Variants in KLF7 observed in about 807,000 individuals in gnomAD.
The protein encoded by KLF7 is Krueppel-like factor 7.
In KLF7, 2 loss-of-function variants were observed where a neutral mutation model predicts 27.3. That is an observed-to-expected ratio of 0.07 (90% CI 0.03 to 0.23). The LOEUF (loss-of-function observed/expected upper bound fraction) is 0.23, where lower values mean the gene tolerates loss of function less well. KLF7 is among the 10% of genes least tolerant of loss of function. The pLI is 1.00. For missense variants in KLF7, 221 were observed against 394.1 expected (o/e 0.56, Z 3.72); for synonymous variants, 165 against 162.4 (o/e 1.02, Z -0.12).
rs1403808381 is a variant in KLF7, at chr2:207,075,265, TACC to T, written c.*5945_*5947del. On this transcript the variant is annotated 3_prime_UTR_variant, in exon 4 of 4. Coordinates refer to ENST00000309446, the MANE Select transcript of KLF7 (RefSeq NM_003709.4). ...CATTAATAATTTTGTAACATTAACATACCACCATCATATAATACAAATAATAGT... is the reference window on the plus strand; with the variant it reads ...CATTAATAATTTTGTAACATTAACATACCATCATATAATACAAATAATAGT... The T allele has an allele frequency of 6.6e-6, 1 of 151,520 alleles. No homozygotes were observed. Among genetic ancestry groups the T allele is most frequent in the Non-Finnish European group, 1.5e-5 (1 of 67,908 alleles). 9.4% of individuals were successfully genotyped at this position (151,520 alleles called of 1,614,324 possible). A position where few individuals can be genotyped will look rare whatever the true frequency, so the allele number is the denominator to read the frequency against.
rs569909675 is a variant in KLF7, at chr2:207,088,463, G to A, written c.852C>T (p.Cys284=). ...CAACTTCTACTTCTCTTTACCTGTC[G>A]CAGTGGTTGCATTTGAAGGGCTTTG... ...TGAKPFKCNH[C]DRCFSRSDHL... is the part of the protein sequence containing the mutation. The change falls in exon 3 of 4, where the codon TGC becomes TGT. Residue 284 remains cysteine, a synonymous_variant. Transcript: ENST00000309446. 1.3e-5 allele frequency: 21 copies of A among 1,613,326 alleles called. No individual in the cohort carries two copies. Among genetic ancestry groups the A allele is most frequent in the Middle Eastern group, 3.3e-4 (2 of 6,054 alleles).
intron 2 of KLF7, among the ~76,000 whole-genome samples, chr2:207,090,234 C>G (rs2076480491): frequency 6.6e-6 from 1 of 151,994 alleles, no homozygotes; most frequent in South Asian, 2.1e-4. Context: ...TTTTGGAAAC[C>G]AGGAAAAAAA....
chr2:207,107,945 A>G (rs2076924211), intron 2 of KLF7, among the ~76,000 whole-genome samples: 1 of 152,232 alleles, frequency 6.6e-6, no homozygotes, highest in Non-Finnish European at 1.5e-5. Flanking sequence ...GCCTCAATAG[A>G]GCAAAAGCTG....
At chr2:207,116,976 G>T (rs772154006) in intron 2 of KLF7, among the ~76,000 whole-genome samples, 7 of 152,058 alleles carry the variant, frequency 4.6e-5, no homozygotes, top group Non-Finnish European at 7.4e-5. Context: ...GAGGTCCTCG[G>T]CAATAAAGAG....
chr2:207,104,061 C>T (rs938585291), intron 2 of KLF7, among the ~76,000 whole-genome samples: 2 of 152,138 alleles, frequency 1.3e-5, no homozygotes, highest in Admixed American at 6.5e-5. Context: ...CCATCAAAGA[C>T]GTCAAGCCCC....
In KLF7 at chr2:207,077,265, C is replaced by G. The variant is rs1266250764; in HGVS notation, c.*3948G>C. 2 of 152,164 alleles carry G rather than the reference C, an allele frequency of 1.3e-5. No individual in the cohort carries two copies. The highest frequency in any genetic ancestry group is 2.9e-5 in the Non-Finnish European group (2 of 68,036). 9.4% of individuals were successfully genotyped at this position (152,164 alleles called of 1,614,324 possible). A position where few individuals can be genotyped will look rare whatever the true frequency, so the allele number is the denominator to read the frequency against. On this transcript the variant is annotated 3_prime_UTR_variant, in exon 4 of 4. Transcript: ENST00000309446. ...GTTCCGAATGCACTGGAAGAGCCAT[C>G]CAAAAGCCCCATTTCTTTCCCCTTT...
chr2:207,086,590 T>C (rs1456463522), intron 3 of KLF7, among the ~76,000 whole-genome samples: 1 of 152,168 alleles, frequency 6.6e-6, no homozygotes, highest in African/African-American at 2.4e-5. Flanking sequence ...AAATCACCCA[T>C]CTCTGACATC....
chr2:207,134,150 T>A (rs1267121514), intron 1 of KLF7: 2 of 1,429,258 alleles, frequency 1.4e-6, no homozygotes, highest in East Asian at 2.6e-5. Flanking sequence ...CTCGGGCTAC[T>A]GGGATTTTTT....
chr2:207,105,558 C>A (rs1260856276), intron 2 of KLF7, among the ~76,000 whole-genome samples: 11 of 152,188 alleles, frequency 7.2e-5, no homozygotes, highest in Admixed American at 7.2e-4. Flanking sequence ...GAAAGGGACA[C>A]AGAAGCAAAA....
In KLF7 at chr2:207,165,497, A is replaced by G. The variant is rs758538052; in HGVS notation, c.72T>C (p.Ala24=). The G allele has an allele frequency of 6.2e-7, 1 of 1,614,152 alleles. No homozygotes were observed. The highest frequency in any genetic ancestry group is 8.5e-7 in the Non-Finnish European group (1 of 1,180,016). ...QLVHDTGYFS[A]LPSLEETWQQ... is the part of the protein sequence containing the mutation. ...GCCAGGTCTCCTCCAGGGATGGTAA[A>G]GCTGAGAAGTAGCCGGTGTCGTGGA... The change falls in exon 1 of 4, where the codon GCT becomes GCC. Residue 24 remains alanine (A), a synonymous_variant. Transcript: ENST00000309446.
Position 207,078,104 on chromosome 2 carries a change from T to C in KLF7, c.*3109A>G, listed in dbSNP as rs1361838913. On this transcript the variant is annotated 3_prime_UTR_variant, in exon 4 of 4. Transcript: ENST00000309446. ...ACCATCTCTGCCACTGCAGAGGTGA[T>C]GGACGTTTTATTACAAATCCATTTC... 6.6e-6 allele frequency: 1 copy of C among 152,242 alleles called. No homozygotes were observed. The highest frequency in any genetic ancestry group is 1.9e-4 in the East Asian group (1 of 5,200). 9.4% of individuals were successfully genotyped at this position (152,242 alleles called of 1,614,324 possible).
intron 2 of KLF7, among the ~76,000 whole-genome samples, chr2:207,106,693 C>T (rs1428413031): frequency 6.6e-6 from 1 of 152,142 alleles, no homozygotes; most frequent in Non-Finnish European, 1.5e-5. Flanking sequence ...AAGTGCTTTC[C>T]TTCTGAAGAG....
chr2:207,139,552 C>A (rs999651892), intron 1 of KLF7, among the ~76,000 whole-genome samples: 3 of 152,030 alleles, frequency 2.0e-5, no homozygotes, highest in Admixed American at 2.0e-4. Context: ...TTCTAAAAAT[C>A]CAACAAACCA....
At chr2:207,172,971 CATTAAT>C in the KLF7 span, among the ~76,000 whole-genome samples, 2 of 143,650 alleles carry the variant, frequency 1.4e-5, no homozygotes, top group African/African-American at 5.4e-5. Flanking sequence ...GTGGTCCTAT[CATTAAT>C]AAATATTTTT....
In KLF7 at chr2:207,084,691, T is replaced by C. The variant is rs538493312; in HGVS notation, c.858-3427A>G. 1.0e-3 allele frequency among the ~76,000 whole-genome samples: 158 copies of C among 151,336 alleles called. 1 individual carries two copies. The highest frequency in any genetic ancestry group is 3.4e-3 in the African/African-American group (139 of 41,456). On this transcript the variant is annotated intron_variant, in intron 3 of 3. Coordinates refer to ENST00000309446, the MANE Select transcript of KLF7 (RefSeq NM_003709.4). ...TCCACATAGGAATAGTAAAAGGTAA[T>C]AGATAAACTTGGCATCTAGAAGTGC... is the stretch of plus-strand genomic sequence containing the variant.
chr2:207,152,212 T>G (rs984024162), intron 1 of KLF7, among the ~76,000 whole-genome samples: 1 of 149,314 alleles, frequency 6.7e-6, no homozygotes, highest in South Asian at 2.1e-4. Flanking sequence ...TTAATGGAAT[T>G]CTCTACAACA....
At chr2:207,103,249 G>C (rs1263609) in intron 2 of KLF7, among the ~76,000 whole-genome samples, 60,593 of 151,928 alleles carry the variant, frequency 0.4, 12,702 homozygotes, top group African/African-American at 0.52. Flanking sequence ...TTAAAGGTAG[G>C]GACATCCCCT....
At chr2:207,081,908 C>T (rs1051718857) in intron 3 of KLF7, among the ~76,000 whole-genome samples, 5 of 149,846 alleles carry the variant, frequency 3.3e-5, no homozygotes, top group African/African-American at 7.4e-5. Context: ...GAGTATGTTA[C>T]GATATGTAGG....
At position 207,081,033 on chromosome 2, in the gene KLF7, A is replaced by G. The variant is rs1325529979; in HGVS notation, c.*180T>C. The G allele has an allele frequency of 2.3e-5, 15 of 655,900 alleles. No individual in the cohort carries two copies. Among genetic ancestry groups the G allele is most frequent in the Non-Finnish European group, 3.8e-5 (14 of 364,858 alleles). The allele number at this position is 655,900 out of a possible 1,614,324, so 40.6% of individuals were successfully genotyped here. A position where few individuals can be genotyped will look rare whatever the true frequency, so the allele number is the denominator to read the frequency against. ...TATAGTTGAGTGCATGACAGTGTGT[A>G]TGTGTGTGGGTCTGTGAGTGTGTGT... On this transcript the variant is annotated 3_prime_UTR_variant, in exon 4 of 4. Coordinates refer to ENST00000309446, the MANE Select transcript of KLF7 (RefSeq NM_003709.4).
Sources: allele counts gnomAD v4.1 joint callset (sites outside exome capture counted in the v4.1 genomes callset), GRCh38; gene constraint gnomAD v4.1.1; transcripts MANE v1.5; gene names NCBI Gene and HGNC (gene_info 2026-07-23, HGNC 2026-07-21).